Variants in NUDCD2 observed in about 807,000 individuals in gnomAD.
The protein encoded by NUDCD2 is nudC domain-containing protein 2.
In NUDCD2, 16 loss-of-function variants were observed where a neutral mutation model predicts 20.8. The ratio of observed to expected loss-of-function variants is 0.77; its 90% CI spans 0.52 to 1.17. The LOEUF is 1.17. NUDCD2 is among the 50% of genes most tolerant of loss of function. The probability of loss-of-function intolerance (pLI) is 0.00; values close to 1 mark genes in which losing one functional copy is unlikely to be tolerated. For synonymous variants in NUDCD2, 87 were observed against 72.8 expected, an observed-to-expected ratio of 1.20 and a Z score of -1.00; for missense variants, 199 against 193.9, an observed-to-expected ratio of 1.03 and a Z score of -0.16.
Position 163,457,599 on chromosome 5 carries a change from A to C in NUDCD2, c.201T>G (p.Phe67Leu), listed in dbSNP as rs1758356056. 6.3e-7 allele frequency: 1 copy of C among 1,583,790 alleles called. No individual in the cohort carries two copies. The highest frequency in any genetic ancestry group is 8.7e-7 in the Non-Finnish European group (1 of 1,153,034). Residue 67 changes from phenylalanine (F) to leucine (L), a missense_variant, in exon 2 of 4, where the codon TTT (phenylalanine) becomes TTG (leucine). Physicochemically the swap from Phe to Leu is conservative, Grantham distance 22 (BLOSUM62 0). Transcript: ENST00000302764. ...GGREILKGKL[F>L]DSTIADEGTW... ...TTCCCTCATCAGCTATTGTAGAATC[A>C]AAGAGTTTGCCCTGAAAAATAAACA... is the stretch of plus-strand genomic sequence containing the variant.
rs530662792 is a variant in NUDCD2 at position 163,457,411 on chromosome 5, C to A, written c.238+151G>T. Reference sequence around the variant, plus strand: ...ACAACTAACTAATTTTTTCTCCCCCCACTAGGTAACTTTGACATACAACGG... The same window carrying A: ...ACAACTAACTAATTTTTTCTCCCCCAACTAGGTAACTTTGACATACAACGG... On this transcript the variant is annotated intron_variant, in intron 2 of 3. Coordinates refer to ENST00000302764, the MANE Select transcript of NUDCD2 (RefSeq NM_145266.6). 24 of 602,612 alleles carry A rather than the reference C, an allele frequency of 4.0e-5. No individual in the cohort carries two copies. In the East Asian group the frequency reaches 4.5e-4, roughly 11 times the overall value. The allele number at this position is 602,612 out of a possible 1,614,324, so 37.3% of individuals were successfully genotyped here.
In NUDCD2 at chr5:163,449,194, T is replaced by C. The variant is rs563281938; in HGVS notation, c.*4773A>G. The C allele has an allele frequency of 3.9e-5, 6 of 152,268 alleles. No homozygotes were observed. Among genetic ancestry groups the C allele is most frequent in the Middle Eastern group, 6.8e-3 (2 of 294 alleles). The allele number at this position is 152,268 out of a possible 1,614,324, so 9.4% of individuals were successfully genotyped here. A position where few individuals can be genotyped will look rare whatever the true frequency, so the allele number is the denominator to read the frequency against. ...CAACAAAATCAGGCAAGAAAAATCA[T>C]AGACTAAAAAGAATAAAATAAAACT... is the stretch of plus-strand genomic sequence containing the variant. On this transcript the variant is annotated 3_prime_UTR_variant, in exon 4 of 4. Coordinates refer to ENST00000302764, the MANE Select transcript of NUDCD2 (RefSeq NM_145266.6).
intron 3 of NUDCD2, among the ~76,000 whole-genome samples, chr5:163,455,990 A>G (rs969983830): frequency 6.6e-6 from 1 of 151,844 alleles, no homozygotes. Context: ...ATGAGTCCCA[A>G]TTTTTTTTGA....
In NUDCD2 at chr5:163,460,084, C is replaced by G. The variant is rs73798829; in HGVS notation, c.-34G>C. On this transcript the variant is annotated 5_prime_UTR_variant, in exon 1 of 4. Coordinates refer to ENST00000302764, the MANE Select transcript of NUDCD2 (RefSeq NM_145266.6). The stretch of plus-strand genomic sequence containing the variant: ...CCCTCCCGGCCGCGGCCGCACCAGG[C>G]GGAGCCGAGCGCACGCGCGGAATCC... 3,637 of 1,505,988 alleles carry G rather than the reference C, an allele frequency of 2.4e-3. 76 individuals carry two copies. In the African/African-American group the frequency reaches 0.044, roughly 18 times the overall value. 93.3% of individuals were successfully genotyped at this position (1,505,988 alleles called of 1,614,324 possible).
chr5:163,456,855 T>G (rs1024982918), intron 3 of NUDCD2, 74 bp downstream of exon 3: 36 of 1,063,466 alleles, frequency 3.4e-5, no homozygotes, highest in Non-Finnish European at 4.5e-5. Flanking sequence ...GACATTTGAG[T>G]TTTAATTTCA....
rs1758120140 is a variant in NUDCD2, at chr5:163,449,370, C to T, written c.*4597G>A. The T allele has an allele frequency of 6.6e-6, 1 of 152,144 alleles. No homozygotes were observed. Among genetic ancestry groups the T allele is most frequent in the Non-Finnish European group, 1.5e-5 (1 of 68,022 alleles). The allele number at this position is 152,144 out of a possible 1,614,324, so 9.4% of individuals were successfully genotyped here. On this transcript the variant is annotated 3_prime_UTR_variant, in exon 4 of 4. Transcript: ENST00000302764. ...TACTAGCGATGTGCAATTGGAAACC[C>T]ATGTTTCAAAAATAATACAACTTAA...
At chr5:163,458,591 A>AAT (rs200651909) in intron 1 of NUDCD2, among the ~76,000 whole-genome samples, 16 of 152,088 alleles carry the variant, frequency 1.1e-4, no homozygotes, top group African/African-American at 3.4e-4. Flanking sequence ...TGTCTCAATA[A>AAT]ATATATATTT....
At chr5:163,459,836 G>T in intron 1 of NUDCD2, 26 bp downstream of exon 1, 1 of 1,571,772 alleles carries the variant, frequency 6.4e-7, no homozygotes, top group Non-Finnish European at 8.6e-7. Context: ...AGAGGAAACT[G>T]AACACAAGCC....
At position 163,451,519 on chromosome 5, in the gene NUDCD2, TTTTAC is replaced by T. The variant is rs890741633; in HGVS notation, c.*2443_*2447del. ...CCAAACCATACACCAAAAAAGTTAATTTTACTTTACTCAAAAAATTTTGTTAAATG... is the reference window on the plus strand; with the variant it reads ...CCAAACCATACACCAAAAAAGTTAATTTTACTCAAAAAATTTTGTTAAATG... On this transcript the variant is annotated 3_prime_UTR_variant, in exon 4 of 4. Coordinates refer to ENST00000302764, the MANE Select transcript of NUDCD2 (RefSeq NM_145266.6). 1 of 152,152 alleles carries T rather than the reference TTTTAC, an allele frequency of 6.6e-6. No homozygotes were observed. Among genetic ancestry groups the T allele is most frequent in the Admixed American group, 6.5e-5 (1 of 15,280 alleles). The allele number at this position is 152,152 out of a possible 1,614,324, so 9.4% of individuals were successfully genotyped here.
At chr5:163,458,127 C>T (rs563282074) in intron 1 of NUDCD2, among the ~76,000 whole-genome samples, 2 of 151,584 alleles carry the variant, frequency 1.3e-5, no homozygotes, top group South Asian at 4.2e-4. Context: ...GGACTACAGG[C>T]GCCCGCCACC....
At chr5:163,456,517 C>G (rs1459778557) in intron 3 of NUDCD2, among the ~76,000 whole-genome samples, 1 of 152,032 alleles carries the variant, frequency 6.6e-6, no homozygotes, top group Non-Finnish European at 1.5e-5. Context: ...ACAGTGTGAT[C>G]CTCCATTTAT....
rs992428838 is a variant in NUDCD2 at position 163,449,759 on chromosome 5, C to T, written c.*4208G>A. 8.5e-5 allele frequency: 13 copies of T among 152,146 alleles called. No individual in the cohort carries two copies. Among genetic ancestry groups the T allele is most frequent in the African/African-American group, 3.1e-4 (13 of 41,438 alleles). 9.4% of individuals were successfully genotyped at this position (152,146 alleles called of 1,614,324 possible). A position where few individuals can be genotyped will look rare whatever the true frequency, so the allele number is the denominator to read the frequency against. Reference sequence around the variant, plus strand: ...GGAATAAAGTCCAAAACCAGACTCACATAAATAGCAATTGATTTCTGACAA... The same window carrying T: ...GGAATAAAGTCCAAAACCAGACTCATATAAATAGCAATTGATTTCTGACAA... On this transcript the variant is annotated 3_prime_UTR_variant, in exon 4 of 4. Transcript: ENST00000302764.
rs930886717 is a variant in NUDCD2 at position 163,452,248 on chromosome 5, C to G, written c.*1719G>C. The G allele has an allele frequency of 1.3e-5, 2 of 152,110 alleles. No individual in the cohort carries two copies. Among genetic ancestry groups the G allele is most frequent in the Non-Finnish European group, 2.9e-5 (2 of 68,032 alleles). 9.4% of individuals were successfully genotyped at this position (152,110 alleles called of 1,614,324 possible). A position where few individuals can be genotyped will look rare whatever the true frequency, so the allele number is the denominator to read the frequency against. On this transcript the variant is annotated 3_prime_UTR_variant, in exon 4 of 4. Coordinates refer to ENST00000302764, the MANE Select transcript of NUDCD2 (RefSeq NM_145266.6). The stretch of plus-strand genomic sequence containing the variant: ...GACATGCATTATATATACACACCAA[C>G]GGCAATTGCACACTAGCACAGATCT...
At chr5:163,457,431 C>T (rs1758350833) in intron 2 of NUDCD2, 131 bp downstream of exon 2, 1 of 646,824 alleles carries the variant, frequency 1.5e-6, no homozygotes, top group African/African-American at 1.9e-5. Flanking sequence ...CTTTGACATA[C>T]AACGGTTTTC....
At chr5:163,459,754 T>C (rs1758429283) in intron 1 of NUDCD2, 108 bp downstream of exon 1, 7 of 979,552 alleles carry the variant, frequency 7.1e-6, no homozygotes, top group Non-Finnish European at 1.1e-5. Context: ...CCTCTTTCTC[T>C]TTCTGCCAGC....
At position 163,457,081 on chromosome 5, in the gene NUDCD2, C is replaced by CT. The variant is rs1284789932; in HGVS notation, c.239-2dup. The CT allele has an allele frequency of 1.3e-6, 2 of 1,586,988 alleles. No individual in the cohort carries two copies. Among genetic ancestry groups the CT allele is most frequent in the African/African-American group, 2.8e-5 (2 of 72,384 alleles). ...ACAATACGAACCATTTTTCTGTCCT[C>CT]TAAAAAAAAAACACACACACACACA... On this transcript the variant is annotated splice_acceptor_variant, in intron 2 of 3. Transcript: ENST00000302764. LOFTEE classifies it high-confidence loss of function.
rs912961414 is a variant in NUDCD2 at position 163,454,658 on chromosome 5, G to T, written c.391-608C>A. Among the ~76,000 whole-genome samples, 3 of 152,220 alleles carry T rather than the reference G, an allele frequency of 2.0e-5. No individual in the cohort carries two copies. The South Asian group carries it at 6.2e-4, about 32-fold the overall frequency. ...GCCCAGCCTATAGCTAGCATTTTTT[G>T]AGAGCTTTCTATATGCCACACAAAT... On this transcript the variant is annotated intron_variant, in intron 3 of 3. Coordinates refer to ENST00000302764, the MANE Select transcript of NUDCD2 (RefSeq NM_145266.6).
rs1244115391 is a variant in NUDCD2, at chr5:163,447,205, G to A, written c.*6762C>T. On this transcript the variant is annotated 3_prime_UTR_variant, in exon 4 of 4. Transcript: ENST00000302764. ...ACTCATTCATTCCTGTAATTCCAAT[G>A]CTTTGGGAAGCCAAGGTGGGAGGAT... The A allele has an allele frequency of 6.6e-6, 1 of 152,412 alleles. No homozygotes were observed. The highest frequency in any genetic ancestry group is 2.4e-5 in the African/African-American group (1 of 41,372). The allele number at this position is 152,412 out of a possible 1,614,324, so 9.4% of individuals were successfully genotyped here.
In NUDCD2 at chr5:163,449,352, G is replaced by A. The variant is rs955008978; in HGVS notation, c.*4615C>T. The A allele has an allele frequency of 6.6e-5, 10 of 152,158 alleles. No homozygotes were observed. Among genetic ancestry groups the A allele is most frequent in the Non-Finnish European group, 8.8e-5 (6 of 68,028 alleles). 9.4% of individuals were successfully genotyped at this position (152,158 alleles called of 1,614,324 possible). ...ATCAAACACATTTGTACATACTAGC[G>A]ATGTGCAATTGGAAACCCATGTTTC... On this transcript the variant is annotated 3_prime_UTR_variant, in exon 4 of 4. Transcript: ENST00000302764.
Sources: gnomAD v4.1 joint callset for allele counts (sites outside exome capture counted in the v4.1 genomes callset) on GRCh38, gnomAD v4.1.1 for gene constraint, MANE v1.5 for transcripts, NCBI Gene and HGNC (gene_info 2026-07-23, HGNC 2026-07-21) for gene names.